The following POLR3B variants were observed in gnomAD, a reference collection of about 807,000 sequenced individuals.
POLR3B encodes RNA polymerase III subunit B.
POLR3B carries 96 observed loss-of-function variants against 147.4 expected under a neutral mutation model. The ratio of observed to expected loss-of-function variants is 0.65; its 90% CI spans 0.55 to 0.77. POLR3B has a LOEUF of 0.77. Ranked by LOEUF, POLR3B falls within the 30% of genes least tolerant of loss-of-function variation. The pLI, the probability that POLR3B is intolerant of heterozygous loss-of-function variation, is 0.00. For synonymous variants in POLR3B, 461 were observed against 485.9 expected (o/e 0.95, Z 0.67); for missense variants, 1,036 against 1,413.5 (o/e 0.73, Z 4.28).
chr12:106,478,105 C>T (rs879548603), intron 23 of POLR3B, among the ~76,000 whole-genome samples: 1 of 151,758 alleles, frequency 6.6e-6, no homozygotes, highest in Admixed American at 6.6e-5. Context: ...TGGAGTTTCA[C>T]CATATTGCCC....
chr12:106,492,921 G>A (rs756418731), intron 23 of POLR3B, among the ~76,000 whole-genome samples: 4 of 151,904 alleles, frequency 2.6e-5, no homozygotes, highest in South Asian at 2.1e-4. Flanking sequence ...GTTCTATACT[G>A]TAGTCTGTGG....
At chr12:106,393,187 T>C in intron 10 of POLR3B, 34 bp downstream of exon 10, 1 of 1,613,244 alleles carries the variant, frequency 6.2e-7, no homozygotes. Context: ...TGCTATGAAA[T>C]GGAATTGGAG....
rs1340309550 is a variant in POLR3B, at chr12:106,496,925, A to C, written c.2984+7A>C. ...TTACATCCGGCATCACAGGGTAAGC[A>C]TGCGATTGAGCTATTTTAAAGAAAA... is the stretch of plus-strand genomic sequence containing the variant. On this transcript the variant is annotated splice_region_variant and intron_variant, in intron 25 of 27. Coordinates refer to ENST00000228347, the MANE Select transcript of POLR3B (RefSeq NM_018082.6). The C allele has an allele frequency of 6.2e-7, 1 of 1,613,026 alleles. No individual in the cohort carries two copies. The highest frequency in any genetic ancestry group is 8.5e-7 in the Non-Finnish European group (1 of 1,179,410).
Position 106,432,462 on chromosome 12 carries a change from T to C in POLR3B, c.1609T>C (p.Phe537Leu), listed in dbSNP as rs972080626. 1.9e-6 allele frequency: 3 copies of C among 1,612,724 alleles called. No homozygotes were observed. In the African/African-American group the frequency reaches 4.0e-5, roughly 22 times the overall value. ...CGEELSYPNV[F>L]LVFLNGNILG... ...GGAAGAGCTCTCTTACCCAAATGTG[T>C]TTCTTGTCTTTCTTAATGGTGGGTA... Residue 537 changes from phenylalanine to leucine, a missense_variant, in exon 15 of 28, where the codon TTT becomes CTT. Coordinates refer to ENST00000228347, the MANE Select transcript of POLR3B (RefSeq NM_018082.6).
chr12:106,493,374 G>C (rs947435204), intron 23 of POLR3B, among the ~76,000 whole-genome samples: 1 of 152,180 alleles, frequency 6.6e-6, no homozygotes, highest in Non-Finnish European at 1.5e-5. Flanking sequence ...TTAAGGATTT[G>C]AATAATTCTG....
chr12:106,469,105 C>A (rs2038051182), intron 23 of POLR3B, among the ~76,000 whole-genome samples: 1 of 151,990 alleles, frequency 6.6e-6, no homozygotes, highest in Admixed American at 6.6e-5. Flanking sequence ...TAAGAACTTG[C>A]TTTATGAATC....
chr12:106,382,094 G>A (rs2036771391), intron 9 of POLR3B: 2 of 152,218 alleles, frequency 1.3e-5, no homozygotes, highest in Non-Finnish European at 2.9e-5. Context: ...AGGTCTTTAT[G>A]ACCTGTATCT....
chr12:106,363,884 G>A lies in POLR3B; in HGVS notation c.87G>A (p.Leu29=). The part of the protein sequence containing the change: ...PIPTVEEKWR[L]LPAFLKVKGL... ...TTGGCTCACAGGAAAAATGGAGGCT[G>A]CTTCCAGCATTTTTAAAGGTAATTG... Residue 29 remains leucine, a synonymous_variant, in exon 2 of 28, where the codon CTG becomes CTA. Coordinates refer to ENST00000228347, the MANE Select transcript of POLR3B (RefSeq NM_018082.6). 2 of 1,608,156 alleles carry A rather than the reference G, an allele frequency of 1.2e-6. No homozygotes were observed. The highest frequency in any genetic ancestry group is 1.7e-6 in the Non-Finnish European group (2 of 1,175,096).
intron 17 of POLR3B, 110 bp downstream of exon 17, chr12:106,437,241 C>T: frequency 1.2e-6 from 1 of 842,370 alleles, no homozygotes; most frequent in Admixed American, 2.0e-5. Flanking sequence ...AAATTACCAG[C>T]CTGTTAAAAA....
At chr12:106,411,809 T>G (rs2037231598) in intron 12 of POLR3B, among the ~76,000 whole-genome samples, 1 of 152,260 alleles carries the variant, frequency 6.6e-6, no homozygotes, top group Non-Finnish European at 1.5e-5. Context: ...TGTATCTCTT[T>G]CAACTGGCTA....
chr12:106,357,977 T>C (rs1471570445), intron 1 of POLR3B, 26 bp downstream of exon 1: 7 of 1,610,052 alleles, frequency 4.3e-6, no homozygotes, highest in Non-Finnish European at 5.9e-6. Context: ...GCAGGGAGCG[T>C]CAGGGACAAG....
intron 4 of POLR3B, among the ~76,000 whole-genome samples, chr12:106,367,476 A>G (rs1411090872): frequency 4.6e-5 from 7 of 152,194 alleles, no homozygotes; most frequent in Non-Finnish European, 7.3e-5. Context: ...GCTCCGTGTT[A>G]TGTTTAGTTG....
chr12:106,446,499 A>G (rs1283638186), intron 19 of POLR3B, among the ~76,000 whole-genome samples: 2 of 151,812 alleles, frequency 1.3e-5, no homozygotes, highest in Non-Finnish European at 2.9e-5. Flanking sequence ...TACCACACAC[A>G]GTTAAGCAGG....
At chr12:106,383,146 C>G (rs1466308023) in intron 9 of POLR3B, among the ~76,000 whole-genome samples, 1 of 152,202 alleles carries the variant, frequency 6.6e-6, no homozygotes, top group African/African-American at 2.4e-5. Flanking sequence ...TCACCTCTCT[C>G]AGCCTTCGTA....
rs2036405600 is a variant in POLR3B at position 106,357,806 on chromosome 12, A to G, written c.-74A>G. ...AGGCCTCCGCGCACCGTTCGCCGGG[A>G]GTCTTGCAGTTTGCTTGGTGCAGGG... On this transcript the variant is annotated 5_prime_UTR_variant, in exon 1 of 28. Transcript: ENST00000228347. 1 of 1,414,598 alleles carries G rather than the reference A, an allele frequency of 7.1e-7. No homozygotes were observed. Among genetic ancestry groups the G allele is most frequent in the Non-Finnish European group, 9.8e-7 (1 of 1,015,468 alleles). The allele number at this position is 1,414,598 out of a possible 1,614,324, so 87.6% of individuals were successfully genotyped here. A position where few individuals can be genotyped will look rare whatever the true frequency, so the allele number is the denominator to read the frequency against.
At chr12:106,377,996 G>T (rs960775893) in intron 7 of POLR3B, among the ~76,000 whole-genome samples, 1 of 152,198 alleles carries the variant, frequency 6.6e-6, no homozygotes, top group African/African-American at 2.4e-5. Context: ...ACTGGGGCGG[G>T]CGAATCACTT....
At chr12:106,375,472 C>A (rs1406760737) in intron 6 of POLR3B, among the ~76,000 whole-genome samples, 2 of 152,190 alleles carry the variant, frequency 1.3e-5, no homozygotes, top group Non-Finnish European at 2.9e-5. Context: ...GTCGCTCTCT[C>A]TCTATCCTTC....
chr12:106,444,601 C>G lies in POLR3B; in HGVS notation c.2083+11C>G, dbSNP rs1381945562. The G allele has an allele frequency of 2.5e-6, 4 of 1,613,192 alleles. No individual in the cohort carries two copies. Among genetic ancestry groups the G allele is most frequent in the Non-Finnish European group, 3.4e-6 (4 of 1,179,634 alleles). On this transcript the variant is annotated intron_variant, in intron 19 of 27. Transcript: ENST00000228347. ...GGAAACAAGCCATGGGTAAGATTTC[C>G]TTCTTGAAAGTTGGTTCTAAATACT...
intron 1 of POLR3B, among the ~76,000 whole-genome samples, chr12:106,360,142 T>G (rs2136874114): frequency 6.6e-6 from 1 of 152,334 alleles, no homozygotes; most frequent in African/African-American, 2.4e-5. Flanking sequence ...ACTTCCTAAC[T>G]GGCCTACCTG....
Sources: allele counts gnomAD v4.1 joint callset (sites outside exome capture counted in the v4.1 genomes callset), GRCh38; gene constraint gnomAD v4.1.1; transcripts MANE v1.5; gene names NCBI Gene and HGNC (gene_info 2026-07-23, HGNC 2026-07-21).